IL21R: variants seen among roughly 807,000 people sequenced by gnomAD.
IL21R encodes the protein interleukin 21 receptor.
In IL21R, 14 loss-of-function variants were observed where a neutral mutation model predicts 41.3. That is an observed-to-expected ratio of 0.34 (90% CI 0.22 to 0.53). The LOEUF is 0.53. IL21R is among the 20% of genes least tolerant of loss of function. The probability of loss-of-function intolerance (pLI) is 0.94; values close to 1 mark genes in which losing one functional copy is unlikely to be tolerated. For synonymous variants in IL21R, 286 were observed against 287.6 expected, an observed-to-expected ratio of 0.99 and a Z score of 0.05; for missense variants, 588 against 681.6, an observed-to-expected ratio of 0.86 and a Z score of 1.53.
chr16:27,438,989 A>T (rs2087323220), intron 4 of IL21R, among the ~76,000 whole-genome samples: 1 of 152,062 alleles, frequency 6.6e-6, no homozygotes, highest in South Asian at 2.1e-4. Context: ...AGAGGCAAAC[A>T]CAGGCTGCAA....
At position 27,449,418 on chromosome 16, in the gene IL21R, G is replaced by C. The variant is rs771289394; in HGVS notation, c.*135G>C. On this transcript the variant is annotated 3_prime_UTR_variant, in exon 9 of 9. Coordinates refer to ENST00000337929, the MANE Select transcript of IL21R (RefSeq NM_181078.3). ...GGCCTTTGAGCCTGATGTTTACAGT[G>C]TCTGTGTGTGTGTGTGCATATGTGT... The C allele has an allele frequency of 8.4e-5, 70 of 829,538 alleles. 1 individual carries two copies. Among genetic ancestry groups the C allele is most frequent in the Non-Finnish European group, 6.1e-5 (33 of 544,306 alleles). The allele number at this position is 829,538 out of a possible 1,614,324, so 51.4% of individuals were successfully genotyped here.
rs572278795 is a variant in IL21R, at chr16:27,406,203, G to A, written c.-17+3585G>A. Among the ~76,000 whole-genome samples the A allele has an allele frequency of 1.7e-3, 253 of 152,370 alleles. 1 individual carries two copies. The Middle Eastern group carries it at 0.017, about 10-fold the overall frequency. Reference sequence around the variant, plus strand: ...GGAACTGAGGGGAGAGAGACGGTGGGTGGCCAGCTCCGCTCCATCTCGTGG... The same window carrying A: ...GGAACTGAGGGGAGAGAGACGGTGGATGGCCAGCTCCGCTCCATCTCGTGG... On this transcript the variant is annotated intron_variant, in intron 1 of 8. Coordinates refer to ENST00000337929, the MANE Select transcript of IL21R (RefSeq NM_181078.3).
chr16:27,440,149 C>A (rs1220739247), intron 4 of IL21R, among the ~76,000 whole-genome samples: 1 of 149,744 alleles, frequency 6.7e-6, no homozygotes, highest in Non-Finnish European at 1.5e-5. Context: ...GCCCTCAGTG[C>A]GGGTTTCAGG....
At chr16:27,431,540 C>T (rs1237246756) in intron 2 of IL21R, among the ~76,000 whole-genome samples, 21 of 152,144 alleles carry the variant, frequency 1.4e-4, no homozygotes, top group Admixed American at 1.2e-3. Context: ...TAACTGAATA[C>T]GTGAGACTGG....
chr16:27,437,356 A>T (rs1400721272), intron 3 of IL21R, 132 bp from the exon 4 acceptor site: 3 of 698,864 alleles, frequency 4.3e-6, no homozygotes, highest in Non-Finnish European at 7.4e-6. Context: ...CCAGGTGACC[A>T]CCCCCCAGCC....
chr16:27,423,219 C>G (rs539016704), intron 1 of IL21R, among the ~76,000 whole-genome samples: 6 of 147,828 alleles, frequency 4.1e-5, no homozygotes, highest in African/African-American at 1.6e-4. Flanking sequence ...TAAGTTGGCA[C>G]TCTCTTGTGC....
intron 4 of IL21R, 143 bp downstream of exon 4, chr16:27,437,830 T>C: frequency 1.5e-6 from 1 of 664,638 alleles, no homozygotes; most frequent in Non-Finnish European, 2.6e-6. Flanking sequence ...ACCCAGCTAA[T>C]TTTTGTATTT....
At chr16:27,426,635 A>G (rs896014974) in intron 1 of IL21R, among the ~76,000 whole-genome samples, 1 of 152,268 alleles carries the variant, frequency 6.6e-6, no homozygotes, top group Non-Finnish European at 1.5e-5. Flanking sequence ...GCACTGGTAC[A>G]GCACTTCACA....
At chr16:27,426,259 A>G (rs1465744573) in intron 1 of IL21R, among the ~76,000 whole-genome samples, 1 of 152,264 alleles carries the variant, frequency 6.6e-6, no homozygotes, top group African/African-American at 2.4e-5. Context: ...CTTGACCAGC[A>G]TGGCGCACAC....
chr16:27,444,744 C>T, intron 6 of IL21R, 25 bp downstream of exon 6: 1 of 1,467,902 alleles, frequency 6.8e-7, no homozygotes, highest in Non-Finnish European at 9.0e-7. Flanking sequence ...GGGATGGACA[C>T]CCCACTCCTG....
At chr16:27,410,444 G>A (rs181355947) in intron 1 of IL21R, among the ~76,000 whole-genome samples, 1 of 152,036 alleles carries the variant, frequency 6.6e-6, no homozygotes, top group African/African-American at 2.4e-5. Flanking sequence ...TGTTTGTAGT[G>A]TACAGAAATA....
chr16:27,405,034 T>C (rs979172848), intron 1 of IL21R, among the ~76,000 whole-genome samples: 5 of 151,680 alleles, frequency 3.3e-5, no homozygotes, highest in Non-Finnish European at 5.9e-5. Context: ...ACTTTTTTTT[T>C]TTTTTAATTT....
intron 4 of IL21R, among the ~76,000 whole-genome samples, chr16:27,440,236 T>TAGAG (rs1204214374): frequency 2.3e-5 from 2 of 86,258 alleles, no homozygotes; most frequent in African/African-American, 1.2e-4. Context: ...TATATATATA[T>TAGAG]ATATATATAT....
chr16:27,410,935 T>C (rs28739291), intron 1 of IL21R, among the ~76,000 whole-genome samples: 7 of 152,216 alleles, frequency 4.6e-5, no homozygotes, highest in Non-Finnish European at 8.8e-5. Flanking sequence ...TTTTTTGCAA[T>C]TGGTTTATTT....
chr16:27,437,439 C>A (rs1342820918), intron 3 of IL21R, 49 bp from the exon 4 acceptor site: 12 of 1,476,824 alleles, frequency 8.1e-6, no homozygotes, highest in Middle Eastern at 2.3e-4. Flanking sequence ...CCACCACCAT[C>A]CCCCCTGCCC....
At chr16:27,418,210 C>T (rs919405875) in intron 1 of IL21R, among the ~76,000 whole-genome samples, 1 of 151,288 alleles carries the variant, frequency 6.6e-6, no homozygotes, top group East Asian at 1.9e-4. Context: ...GCTGGGACTA[C>T]AGGCGCCTGC....
chr16:27,420,571 C>T (rs7203086), intron 1 of IL21R, among the ~76,000 whole-genome samples: 53,669 of 152,042 alleles, frequency 0.35, 9,884 homozygotes, highest in East Asian at 0.51. Flanking sequence ...TGTCAATGGC[C>T]ACCTTTTCAT....
rs551618150 is a variant in IL21R, at chr16:27,437,726, A to G, written c.352+39A>G. 1.8e-5 allele frequency: 28 copies of G among 1,556,202 alleles called. No individual in the cohort carries two copies. The South Asian group carries it at 1.9e-4, about 11-fold the overall frequency. Reference sequence around the variant, plus strand: ...GACCCCAGGCTTAGGGTGGCACTCAATCTTAGCTCACCGCAGCCCTGACCT... The same window carrying G: ...GACCCCAGGCTTAGGGTGGCACTCAGTCTTAGCTCACCGCAGCCCTGACCT... On this transcript the variant is annotated intron_variant, in intron 4 of 8. Transcript: ENST00000337929.
In IL21R at chr16:27,449,420, C is replaced by G. The variant is rs1489747789; in HGVS notation, c.*137C>G. ...CCTTTGAGCCTGATGTTTACAGTGT[C>G]TGTGTGTGTGTGTGCATATGTGTGT... On this transcript the variant is annotated 3_prime_UTR_variant, in exon 9 of 9. Transcript: ENST00000337929. 6 of 798,852 alleles carry G rather than the reference C, an allele frequency of 7.5e-6. No individual in the cohort carries two copies. Among genetic ancestry groups the G allele is most frequent in the South Asian group, 3.7e-5 (2 of 54,158 alleles). The allele number at this position is 798,852 out of a possible 1,614,324, so 49.5% of individuals were successfully genotyped here. A position where few individuals can be genotyped will look rare whatever the true frequency, so the allele number is the denominator to read the frequency against.
Sources: allele counts gnomAD v4.1 joint callset (sites outside exome capture counted in the v4.1 genomes callset), GRCh38; gene constraint gnomAD v4.1.1; transcripts MANE v1.5; gene names NCBI Gene and HGNC (gene_info 2026-07-23, HGNC 2026-07-21).